GRM8: variants seen among roughly 807,000 people sequenced by gnomAD.
GRM8 encodes metabotropic glutamate receptor 8.
Under a neutral mutation model 87.2 loss-of-function variants are expected in GRM8, and 47 were observed. That is an observed-to-expected ratio of 0.54 (90% CI 0.43 to 0.69). The LOEUF (loss-of-function observed/expected upper bound fraction) is 0.69. Ranked by LOEUF, GRM8 falls within the 30% of genes least tolerant of loss-of-function variation. The pLI is 0.00. For synonymous variants in GRM8, 396 were observed against 404.5 expected (o/e 0.98, Z 0.25); for missense variants, 1,019 against 1,139.2 (o/e 0.89, Z 1.52).
intron 7 of GRM8, among the ~76,000 whole-genome samples, chr7:126,639,326 G>A (rs983661771): frequency 1.3e-5 from 2 of 152,112 alleles, no homozygotes; most frequent in African/African-American, 2.4e-5. Context: ...CTGGCATAGT[G>A]CCTTACCCAA....
intron 7 of GRM8, among the ~76,000 whole-genome samples, chr7:126,611,846 A>G (rs1798944887): frequency 6.6e-6 from 1 of 152,230 alleles, no homozygotes; most frequent in African/African-American, 2.4e-5. Flanking sequence ...CTCTCAAGAG[A>G]GCTCATTAGA....
chr7:126,453,065 G>C (rs931481326), intron 9 of GRM8, among the ~76,000 whole-genome samples: 7 of 123,654 alleles, frequency 5.7e-5, no homozygotes, highest in African/African-American at 2.2e-4. Context: ...AGCCTTTATA[G>C]CAGAAACACA....
intron 2 of GRM8, among the ~76,000 whole-genome samples, chr7:127,203,058 T>C (rs951101709): frequency 4.6e-5 from 7 of 152,226 alleles, no homozygotes; most frequent in African/African-American, 1.7e-4. Flanking sequence ...TCACCATGAA[T>C]TATGTTTCAT....
intron 3 of GRM8, chr7:127,080,582 T>A (rs1037490770): frequency 6.6e-6 from 1 of 152,100 alleles, no homozygotes; most frequent in African/African-American, 2.4e-5. Flanking sequence ...AAAGTAGGCA[T>A]GTGACTGAAT....
At chr7:126,923,032 C>T (rs1159497804) in intron 3 of GRM8, among the ~76,000 whole-genome samples, 2 of 152,072 alleles carry the variant, frequency 1.3e-5, no homozygotes, top group Admixed American at 6.6e-5. Flanking sequence ...TTTCTTTATA[C>T]CAATGCAAGA....
chr7:126,699,740 T>C lies in GRM8; in HGVS notation c.1357+70125A>G, dbSNP rs1809731875. Among the ~76,000 whole-genome samples the C allele has an allele frequency of 2.6e-5, 4 of 152,192 alleles. No homozygotes were observed. The South Asian group carries it at 8.3e-4, about 31-fold the overall frequency. On this transcript the variant is annotated intron_variant, in intron 7 of 10. Transcript: ENST00000339582. Reference sequence around the variant, plus strand: ...CCCTTTGGTGTGTGTCAAACAATCATTTCCAGCCTCCAGATAAAGAGACAG... The same window carrying C: ...CCCTTTGGTGTGTGTCAAACAATCACTTCCAGCCTCCAGATAAAGAGACAG...
intron 3 of GRM8, among the ~76,000 whole-genome samples, chr7:127,077,169 AG>A (rs1281873642): frequency 6.6e-6 from 1 of 152,178 alleles, no homozygotes; most frequent in Admixed American, 6.5e-5. Flanking sequence ...TGTGCTGAGC[AG>A]GGCAACTGTG....
intron 3 of GRM8, among the ~76,000 whole-genome samples, chr7:127,005,110 T>A (rs1309921406): frequency 7.3e-6 from 1 of 136,112 alleles, no homozygotes; most frequent in South Asian, 2.3e-4. Context: ...ACAACTTTAC[T>A]GCTAGGAACT....
chr7:127,017,998 G>A (rs1815858574), intron 3 of GRM8, among the ~76,000 whole-genome samples: 1 of 152,012 alleles, frequency 6.6e-6, no homozygotes, highest in Non-Finnish European at 1.5e-5. Context: ...TAGGCACCGT[G>A]TTAGACACTG....
At chr7:127,033,980 GA>G (rs1179322780) in intron 3 of GRM8, among the ~76,000 whole-genome samples, 1 of 152,140 alleles carries the variant, frequency 6.6e-6, no homozygotes, top group Non-Finnish European at 1.5e-5. Context: ...TTCTCTAATG[GA>G]ATAGTTTTCT....
chr7:126,448,654 G>A (rs1368655105), intron 9 of GRM8, among the ~76,000 whole-genome samples: 2 of 151,838 alleles, frequency 1.3e-5, no homozygotes, highest in South Asian at 4.1e-4. Flanking sequence ...TTCATTGGAC[G>A]CTATACTTTC....
intron 9 of GRM8, among the ~76,000 whole-genome samples, chr7:126,448,225 CTCTTTCAAGTCAAT>C (rs1255369741): frequency 6.6e-6 from 1 of 151,884 alleles, no homozygotes; most frequent in Non-Finnish European, 1.5e-5. Flanking sequence ...ACCAGTCAGA[CTCTTTCAAGTCAAT>C]TTAGCCTAAA....
intron 2 of GRM8, among the ~76,000 whole-genome samples, chr7:127,216,670 T>C (rs924629348): frequency 1.3e-5 from 2 of 152,074 alleles, no homozygotes; most frequent in African/African-American, 4.8e-5. Flanking sequence ...TAATCCAAAC[T>C]CTGTGGCCTA....
chr7:126,674,494 G>A (rs899679977), intron 7 of GRM8, among the ~76,000 whole-genome samples: 1 of 151,976 alleles, frequency 6.6e-6, no homozygotes, highest in African/African-American at 2.4e-5. Flanking sequence ...CCACTGAATG[G>A]GTCAAACTTA....
intron 2 of GRM8, among the ~76,000 whole-genome samples, chr7:127,109,652 C>T (rs1428603201): frequency 1.3e-5 from 2 of 152,190 alleles, no homozygotes; most frequent in African/African-American, 4.8e-5. Context: ...CGCCATCTAA[C>T]ATTAGAATCA....
chr7:126,882,003 G>C (rs1432703984), intron 6 of GRM8, among the ~76,000 whole-genome samples: 2 of 152,014 alleles, frequency 1.3e-5, no homozygotes, highest in Non-Finnish European at 2.9e-5. Flanking sequence ...CCATCCCCTG[G>C]CCTTAACAAA....
chr7:127,005,012 A>T (rs1042439303), intron 3 of GRM8, among the ~76,000 whole-genome samples: 4 of 151,672 alleles, frequency 2.6e-5, no homozygotes, highest in Non-Finnish European at 3.0e-5. Context: ...AAGAAGAAGA[A>T]GATAAAGAGG....
At chr7:126,497,126 G>A (rs17149851) in intron 9 of GRM8, among the ~76,000 whole-genome samples, 7,108 of 151,744 alleles carry the variant, frequency 0.047, 522 homozygotes, top group African/African-American at 0.16. Context: ...CAATTTCAGC[G>A]TGTGGATAGA....
intron 7 of GRM8, among the ~76,000 whole-genome samples, chr7:126,647,326 GATAGATAGATAGATAGAT>G (rs1252052865): frequency 0.011 from 599 of 54,998 alleles, 7 homozygotes; most frequent in African/African-American, 0.025. Context: ...TAGATAGATA[GATAGATAGATAGATAGAT>G]ATAGATATAG....
Sources: gnomAD v4.1 joint callset for allele counts (sites outside exome capture counted in the v4.1 genomes callset) on GRCh38, gnomAD v4.1.1 for gene constraint, MANE v1.5 for transcripts, NCBI Gene and HGNC (gene_info 2026-07-23, HGNC 2026-07-21) for gene names.